GLRA2: variants seen among roughly 807,000 people sequenced by gnomAD.
GLRA2 encodes glycine receptor alpha 2.
Under a neutral mutation model 31.6 loss-of-function variants are expected in GLRA2, and 11 were observed. The ratio of observed to expected loss-of-function variants is 0.35; its 90% CI spans 0.22 to 0.58. GLRA2 has a LOEUF of 0.58. GLRA2 is among the 20% of genes least tolerant of loss of function. The probability of loss-of-function intolerance (pLI) is 0.84; values close to 1 mark genes in which losing one functional copy is unlikely to be tolerated. For missense variants in GLRA2, 212 were observed against 351.8 expected, an observed-to-expected ratio of 0.60 and a Z score of 3.18; for synonymous variants, 132 against 134.0, an observed-to-expected ratio of 0.99 and a Z score of 0.10.
chrX:14,624,306 G>A (rs1285910203), intron 7 of GLRA2, among the ~76,000 whole-genome samples: 1 of 110,931 alleles, frequency 9.0e-6, no homozygotes, highest in Non-Finnish European at 1.9e-5. Context: ...ACCAGCTCCT[G>A]GATTCACTGG....
chrX:14,680,905 G>C (rs2091194595), intron 7 of GLRA2, among the ~76,000 whole-genome samples: 1 of 111,988 alleles, frequency 8.9e-6, no homozygotes, highest in Non-Finnish European at 1.9e-5. Flanking sequence ...AGGAATGATG[G>C]TCAGCTCTAC....
At chrX:14,705,547 C>T (rs1440670902) in intron 8 of GLRA2, among the ~76,000 whole-genome samples, 1 of 112,048 alleles carries the variant, frequency 8.9e-6, no homozygotes, top group African/African-American at 3.2e-5. Context: ...ATGCTGTGCA[C>T]ACAGAGGACT....
At chrX:14,502,878 A>G in the GLRA2 span, among the ~76,000 whole-genome samples, 1 of 100,874 alleles carries the variant, frequency 9.9e-6, no homozygotes, top group East Asian at 3.1e-4. Context: ...AGAAGCACAA[A>G]AATGCAAAAA....
At chrX:14,670,558 A>T (rs2091081270) in intron 7 of GLRA2, among the ~76,000 whole-genome samples, 1 of 111,633 alleles carries the variant, frequency 9.0e-6, no homozygotes, top group Non-Finnish European at 1.9e-5. Context: ...GTCACATCTT[A>T]TGTGGACGGC....
intron 4 of GLRA2, among the ~76,000 whole-genome samples, chrX:14,589,860 A>G (rs1409422225): frequency 1.8e-5 from 2 of 109,355 alleles, no homozygotes; most frequent in Admixed American, 9.9e-5. Context: ...TCTTTATTAA[A>G]GAAGCTATGA....
At chrX:14,566,514 C>A (rs1412585086) in intron 2 of GLRA2, among the ~76,000 whole-genome samples, 2 of 111,949 alleles carry the variant, frequency 1.8e-5, no homozygotes, top group African/African-American at 6.5e-5. Context: ...AGACCAATAT[C>A]CCTTTGTAGT....
intron 7 of GLRA2, among the ~76,000 whole-genome samples, chrX:14,612,744 T>A (rs1484491737): frequency 9.5e-6 from 1 of 105,490 alleles, no homozygotes; most frequent in African/African-American, 3.5e-5. Context: ...AAACACTGCA[T>A]GTTCTCACTC....
intron 4 of GLRA2, among the ~76,000 whole-genome samples, chrX:14,596,223 T>C (rs772115547): frequency 8.9e-6 from 1 of 111,784 alleles, no homozygotes; most frequent in East Asian, 2.8e-4. Flanking sequence ...TATGCTGCCA[T>C]CGCCCTGAGT....
chrX:14,481,017 G>A, the GLRA2 span, among the ~76,000 whole-genome samples: 1 of 111,066 alleles, frequency 9.0e-6, no homozygotes, highest in Non-Finnish European at 1.9e-5. Flanking sequence ...AGCATTGAAT[G>A]TTTTTCCATT....
At chrX:14,682,744 C>A (rs926409782) in intron 7 of GLRA2, among the ~76,000 whole-genome samples, 1 of 98,662 alleles carries the variant, frequency 1.0e-5, no homozygotes, top group Admixed American at 1.1e-4. Context: ...TGTTCCCCTT[C>A]CTGTGTCCAA....
the GLRA2 span, among the ~76,000 whole-genome samples, chrX:14,482,243 T>C: frequency 1.1e-4 from 12 of 112,061 alleles, no homozygotes; most frequent in African/African-American, 2.9e-4. Flanking sequence ...TTGGAATTCA[T>C]TGTGTCTGGT....
intron 8 of GLRA2, among the ~76,000 whole-genome samples, chrX:14,708,242 C>T (rs993937017): frequency 9.0e-6 from 1 of 111,066 alleles, no homozygotes; most frequent in African/African-American, 3.3e-5. Context: ...TTTTAGATTC[C>T]ACATATAAGT....
At chrX:14,464,670 C>T in the GLRA2 span, among the ~76,000 whole-genome samples, 1 of 111,931 alleles carries the variant, frequency 8.9e-6, no homozygotes, top group Non-Finnish European at 1.9e-5. Flanking sequence ...CATTGTCCTG[C>T]CTCAGCCTCC....
chrX:14,594,733 A>G (rs2090181623), intron 4 of GLRA2, among the ~76,000 whole-genome samples: 1 of 111,835 alleles, frequency 8.9e-6, no homozygotes, highest in African/African-American at 3.3e-5. Context: ...TGAAAGGACC[A>G]CACACAGATG....
intron 5 of GLRA2, 43 bp from the exon 6 acceptor site, chrX:14,607,088 T>C (rs752994665): frequency 7.6e-6 from 8 of 1,051,429 alleles, no homozygotes; most frequent in Non-Finnish European, 1.1e-5. Context: ...CAAGCTTTCT[T>C]GGAAAGCCAT....
chrX:14,688,048 G>A lies in GLRA2; in HGVS notation c.931-2662G>A, dbSNP rs1473968782. On this transcript the variant is annotated intron_variant, in intron 7 of 8. Transcript: ENST00000218075. ...AGGACCCTCAGCTGCAGGTCTGTTG[G>A]AGTTTGCTGGAGGTCCACTCCAGAT... Among the ~76,000 whole-genome samples the A allele has an allele frequency of 2.7e-5, 3 of 112,287 alleles. No individual in the cohort carries two copies. The East Asian group carries it at 8.4e-4, about 31-fold the overall frequency.
At chrX:14,635,866 A>G (rs747047521) in intron 7 of GLRA2, among the ~76,000 whole-genome samples, 3 of 110,989 alleles carry the variant, frequency 2.7e-5, no homozygotes, top group South Asian at 7.6e-4. Flanking sequence ...GGGATCAAAC[A>G]TTGCAGTTTG....
At chrX:14,469,177 C>T in the GLRA2 span, among the ~76,000 whole-genome samples, 31 of 111,193 alleles carry the variant, frequency 2.8e-4, no homozygotes, top group African/African-American at 5.9e-4. Context: ...TAATTAGATC[C>T]CATTTGTCAA....
chrX:14,699,274 C>T (rs978270442), intron 8 of GLRA2, among the ~76,000 whole-genome samples: 14 of 112,248 alleles, frequency 1.2e-4, no homozygotes, highest in African/African-American at 4.2e-4. Context: ...TATCTGGCTG[C>T]ACCATGCCTT....
Sources: gnomAD v4.1 joint callset for allele counts (sites outside exome capture counted in the v4.1 genomes callset) on GRCh38, gnomAD v4.1.1 for gene constraint, MANE v1.5 for transcripts, NCBI Gene and HGNC (gene_info 2026-07-23, HGNC 2026-07-21) for gene names.